SLC30A9: variants seen among roughly 807,000 people sequenced by gnomAD.
The protein encoded by SLC30A9 is solute carrier family 30 member 9, also known as proton-coupled zinc antiporter SLC30A9, mitochondrial.
A neutral mutation model predicts 87.5 loss-of-function variants in SLC30A9; 58 were observed. That is an observed-to-expected ratio of 0.66 (90% CI 0.54 to 0.82). SLC30A9 has a LOEUF of 0.82. Among genes scored for constraint, SLC30A9 ranks in the 40% least tolerant of loss-of-function variants. The pLI is 0.00. For synonymous variants in SLC30A9, 234 were observed against 233.0 expected, an observed-to-expected ratio of 1.00 and a Z score of -0.04; for missense variants, 557 against 679.1, an observed-to-expected ratio of 0.82 and a Z score of 2.00.
intron 4 of SLC30A9, among the ~76,000 whole-genome samples, chr4:42,021,806 G>A (rs957523749): frequency 1.3e-5 from 2 of 151,830 alleles, no homozygotes; most frequent in African/African-American, 4.8e-5. Flanking sequence ...CTGGAGTGCA[G>A]TGGCACAATC....
intron 17 of SLC30A9, among the ~76,000 whole-genome samples, chr4:42,082,042 C>T (rs1231288767): frequency 6.6e-6 from 1 of 151,758 alleles, no homozygotes; most frequent in Admixed American, 6.6e-5. Flanking sequence ...ATGACGAAAC[C>T]CCGTCTCTAC....
intron 6 of SLC30A9, among the ~76,000 whole-genome samples, chr4:42,031,004 A>C (rs1716411690): frequency 6.6e-6 from 1 of 152,218 alleles, no homozygotes; most frequent in South Asian, 2.1e-4. Context: ...TCATGGTGGA[A>C]GAATTTTTTA....
intron 2 of SLC30A9, among the ~76,000 whole-genome samples, chr4:42,007,132 GTAA>G (rs1000115208): frequency 3.9e-5 from 6 of 152,090 alleles, no homozygotes; most frequent in Non-Finnish European, 8.8e-5. Flanking sequence ...CTGGAGTAGG[GTAA>G]TAATAATGCT....
intron 8 of SLC30A9, among the ~76,000 whole-genome samples, chr4:42,040,719 C>G (rs1716886309): frequency 6.7e-6 from 1 of 148,346 alleles, no homozygotes; most frequent in Admixed American, 6.8e-5. Flanking sequence ...TGGTGTGAAC[C>G]CGGGAGGTGG....
rs866145237 is a variant in SLC30A9, at chr4:41,995,859, G to A, written c.109+5099G>A. On this transcript the variant is annotated intron_variant, in intron 1 of 17. Transcript: ENST00000264451. Reference sequence around the variant, plus strand: ...TGAGTAGCTGGGACCACAGGCTAGCGCCACCATGCCCAGCTAATTTTTATA... The same window carrying A: ...TGAGTAGCTGGGACCACAGGCTAGCACCACCATGCCCAGCTAATTTTTATA... 1.6e-4 allele frequency among the ~76,000 whole-genome samples: 24 copies of A among 152,260 alleles called. 1 individual carries two copies. Among genetic ancestry groups the A allele is most frequent in the South Asian group, 6.2e-4 (3 of 4,816 alleles).
intron 1 of SLC30A9, 85 bp downstream of exon 1, chr4:41,990,845 G>T: frequency 2.1e-6 from 2 of 948,006 alleles, no homozygotes; most frequent in South Asian, 1.4e-5. Flanking sequence ...GGGGCAATTC[G>T]CCCACTTGCC....
chr4:42,072,068 C>T (rs1718335020), intron 15 of SLC30A9, among the ~76,000 whole-genome samples: 1 of 152,158 alleles, frequency 6.6e-6, no homozygotes, highest in Non-Finnish European at 1.5e-5. Context: ...TGTTGGTATA[C>T]AGCTATTTAT....
At chr4:42,059,840 T>C (rs1717771777) in intron 9 of SLC30A9, among the ~76,000 whole-genome samples, 1 of 152,194 alleles carries the variant, frequency 6.6e-6, no homozygotes, top group African/African-American at 2.4e-5. Context: ...TAATGGTATG[T>C]CTAGGAGCTT....
chr4:42,055,451 A>G (rs1363936228), intron 9 of SLC30A9, among the ~76,000 whole-genome samples: 1 of 152,088 alleles, frequency 6.6e-6, no homozygotes, highest in Non-Finnish European at 1.5e-5. Context: ...CAGTGGCACA[A>G]TCTCGGCTTA....
chr4:42,034,438 C>A (rs1716593713), intron 6 of SLC30A9, among the ~76,000 whole-genome samples: 1 of 84,422 alleles, frequency 1.2e-5, no homozygotes, highest in South Asian at 5.3e-4. Flanking sequence ...CCCTGCCACC[C>A]CCCGGTCCCT....
intron 9 of SLC30A9, among the ~76,000 whole-genome samples, chr4:42,050,545 A>C (rs537652502): frequency 1.3e-5 from 2 of 152,300 alleles, no homozygotes; most frequent in South Asian, 2.1e-4. Flanking sequence ...TTCATTCTCT[A>C]TGCTATTCAG....
At chr4:42,018,942 T>A (rs2153135096) in intron 3 of SLC30A9, among the ~76,000 whole-genome samples, 1 of 152,076 alleles carries the variant, frequency 6.6e-6, no homozygotes, top group East Asian at 1.9e-4. Flanking sequence ...TTTTAAAAAT[T>A]TTTTAAAAAT....
chr4:42,046,677 A>G lies in SLC30A9; in HGVS notation c.738-2700A>G, dbSNP rs188690613. Among the ~76,000 whole-genome samples the G allele has an allele frequency of 3.3e-3, 496 of 152,282 alleles. 2 individuals carry two copies. The highest frequency in any genetic ancestry group is 0.011 in the African/African-American group (472 of 41,564). ...CTGCGCAAAGTAATTAATGGAATCA[A>G]TGATATCCCCATCAAGCTACCATTG... On this transcript the variant is annotated intron_variant, in intron 8 of 17. Transcript: ENST00000264451.
intron 11 of SLC30A9, among the ~76,000 whole-genome samples, chr4:42,065,101 T>G (rs924217745): frequency 1.3e-5 from 2 of 152,184 alleles, no homozygotes; most frequent in African/African-American, 4.8e-5. Flanking sequence ...GGTGTGGATC[T>G]TACTGTATCT....
chr4:42,081,942 G>A (rs1020946442), intron 17 of SLC30A9, among the ~76,000 whole-genome samples: 4 of 152,266 alleles, frequency 2.6e-5, no homozygotes, highest in Admixed American at 1.3e-4. Context: ...GGCCGGGCGC[G>A]TGCGGTTGCT....
At chr4:42,000,308 C>A (rs1373324636) in intron 1 of SLC30A9, among the ~76,000 whole-genome samples, 5 of 152,016 alleles carry the variant, frequency 3.3e-5, no homozygotes, top group Admixed American at 2.0e-4. Flanking sequence ...GCTGAACAGT[C>A]AGAACACCAG....
At chr4:42,003,737 C>T (rs1350346283) in intron 2 of SLC30A9, among the ~76,000 whole-genome samples, 1 of 148,300 alleles carries the variant, frequency 6.7e-6, no homozygotes, top group East Asian at 2.0e-4. Context: ...TTTCCTTGTC[C>T]TGTTTTCTTA....
At chr4:42,045,587 A>G (rs1429542575) in intron 8 of SLC30A9, among the ~76,000 whole-genome samples, 1 of 27,260 alleles carries the variant, frequency 3.7e-5, no homozygotes, top group Non-Finnish European at 3.3e-4. Flanking sequence ...TATCAACTAA[A>G]AAAAAAAAAA....
rs1428933169 is a variant in SLC30A9, at chr4:42,088,573, G to A, written c.*2447G>A. The A allele has an allele frequency of 6.6e-6, 1 of 152,484 alleles. No individual in the cohort carries two copies. 9.4% of individuals were successfully genotyped at this position (152,484 alleles called of 1,614,324 possible). ...GGAAACTTCATTCATGGCAGAATAC[G>A]AAGGGGAAGCAGTCATAGCCAGAGG... On this transcript the variant is annotated 3_prime_UTR_variant, in exon 18 of 18. Transcript: ENST00000264451.
Sources: allele counts gnomAD v4.1 joint callset (sites outside exome capture counted in the v4.1 genomes callset), GRCh38; gene constraint gnomAD v4.1.1; transcripts MANE v1.5; gene names NCBI Gene and HGNC (gene_info 2026-07-23, HGNC 2026-07-21).